The following NBEA variants were observed in gnomAD, a reference collection of about 807,000 sequenced individuals.
The protein encoded by NBEA is neurobeachin.
NBEA carries 44 observed loss-of-function variants against 343.4 expected under a neutral mutation model. That is an observed-to-expected ratio of 0.13 (90% CI 0.10 to 0.16). The LOEUF (loss-of-function observed/expected upper bound fraction) is 0.16. Ranked by LOEUF, NBEA falls within the 10% of genes least tolerant of loss-of-function variation. NBEA has a pLI of 1.00. For synonymous variants in NBEA, 1,175 were observed against 1,238.7 expected (o/e 0.95, Z 1.08); for missense variants, 2,555 against 3,631.3 (o/e 0.70, Z 7.62).
chr13:35,472,057 A>G lies in NBEA; in HGVS notation c.6449-343A>G, dbSNP rs573581160. ...ACTGCCTAGGGTCTCTGGAAAAGCC[A>G]GTGATACTCAATGGAGAATTGGGGC... On this transcript the variant is annotated intron_variant, in intron 40 of 58. Transcript: ENST00000379939. Among the ~76,000 whole-genome samples, 9 of 152,256 alleles carry G rather than the reference A, an allele frequency of 5.9e-5. No homozygotes were observed. In the South Asian group the frequency reaches 1.9e-3, roughly 32 times the overall value.
chr13:35,614,821 T>G (rs1406672784), intron 48 of NBEA, among the ~76,000 whole-genome samples: 1 of 152,196 alleles, frequency 6.6e-6, no homozygotes, highest in Non-Finnish European at 1.5e-5. Context: ...AAGACTTAAC[T>G]GCTGACAACT....
intron 1 of NBEA, among the ~76,000 whole-genome samples, chr13:34,983,351 A>G (rs1386730318): frequency 6.6e-6 from 1 of 152,028 alleles, no homozygotes; most frequent in Non-Finnish European, 1.5e-5. Context: ...AAGGACATGA[A>G]CTCATCCTTT....
chr13:35,559,522 C>T (rs184863633), intron 44 of NBEA, among the ~76,000 whole-genome samples: 1 of 152,104 alleles, frequency 6.6e-6, no homozygotes, highest in Admixed American at 6.5e-5. Flanking sequence ...ACATGGTTGG[C>T]TTATATTTTG....
rs139355099 is a variant in NBEA, at chr13:35,065,329, G to A, written c.1240-4579G>A. Among the ~76,000 whole-genome samples, 1,317 of 151,912 alleles carry A rather than the reference G, an allele frequency of 8.7e-3. 20 individuals are homozygous for A. Among genetic ancestry groups the A allele is most frequent in the African/African-American group, 0.03 (1,243 of 41,470 alleles). ...TTGGTATTGAAAGCCTGTTGACAATGTAGTATCTTCTCCATTACAAGGCAC... is the reference window on the plus strand; with the variant it reads ...TTGGTATTGAAAGCCTGTTGACAATATAGTATCTTCTCCATTACAAGGCAC... On this transcript the variant is annotated intron_variant, in intron 8 of 58. Transcript: ENST00000379939.
At chr13:35,221,777 C>T (rs1018965824) in intron 33 of NBEA, among the ~76,000 whole-genome samples, 1 of 152,006 alleles carries the variant, frequency 6.6e-6, no homozygotes, top group African/African-American at 2.4e-5. Context: ...CCTATAGAAC[C>T]TTACATCATA....
intron 1 of NBEA, among the ~76,000 whole-genome samples, chr13:35,037,547 A>G (rs1454165210): frequency 6.6e-6 from 1 of 152,052 alleles, no homozygotes; most frequent in Non-Finnish European, 1.5e-5. Context: ...CCTTCTTGGG[A>G]AGGCTTTCCA....
At chr13:35,122,209 C>T (rs1315090558) in intron 16 of NBEA, among the ~76,000 whole-genome samples, 1 of 151,978 alleles carries the variant, frequency 6.6e-6, no homozygotes, top group Non-Finnish European at 1.5e-5. Context: ...GAACAATATA[C>T]TTGTTAAAAA....
intron 41 of NBEA, among the ~76,000 whole-genome samples, chr13:35,494,389 C>A (rs937938913): frequency 6.6e-6 from 1 of 151,922 alleles, no homozygotes; most frequent in African/African-American, 2.4e-5. Flanking sequence ...CAAATAAGAT[C>A]TAAATTTTTG....
intron 1 of NBEA, 147 bp downstream of exon 1, chr13:34,943,261 G>GT (rs2059086985): frequency 9.2e-7 from 1 of 1,084,192 alleles, no homozygotes; most frequent in Non-Finnish European, 1.3e-6. Flanking sequence ...TGCCCAGCGG[G>GT]TGACCTGCCT....
rs529905884 is a variant in NBEA, at chr13:35,407,852, A to C, written c.6180-24417A>C. Among the ~76,000 whole-genome samples the C allele has an allele frequency of 2.0e-5, 3 of 152,318 alleles. No individual in the cohort carries two copies. The East Asian group carries it at 5.8e-4, about 29-fold the overall frequency. The stretch of plus-strand genomic sequence containing the variant: ...GAGACCTACAAACCACTGCTCAAAG[A>C]AATGAGAAATGACACAAATAATTGG... On this transcript the variant is annotated intron_variant, in intron 38 of 58. Coordinates refer to ENST00000379939, the MANE Select transcript of NBEA (RefSeq NM_001385012.1).
intron 17 of NBEA, among the ~76,000 whole-genome samples, chr13:35,134,704 A>C (rs2067624697): frequency 6.6e-6 from 1 of 152,004 alleles, no homozygotes; most frequent in African/African-American, 2.4e-5. Context: ...CAATAAAGTA[A>C]AGTAGGAAGT....
chr13:35,593,353 A>G lies in NBEA; in HGVS notation c.7202A>G (p.Asn2401Ser), dbSNP rs760872116. 5.6e-6 allele frequency: 9 copies of G among 1,612,586 alleles called. No individual in the cohort carries two copies. The highest frequency in any genetic ancestry group is 4.0e-5 in the African/African-American group (3 of 74,836). Residue 2401 changes from asparagine (N) to serine (S), a missense_variant, in exon 47 of 59, where the codon AAT becomes AGT. Asn to Ser is a conservative substitution (Grantham distance 46). Coordinates refer to ENST00000379939, the MANE Select transcript of NBEA (RefSeq NM_001385012.1). Reference protein sequence around the residue: ...RIEPFTTFFLNANDGKFDHPD... With the variant: ...RIEPFTTFFLSANDGKFDHPD... ...GAACCTTTCACAACCTTCTTCCTCAATGCAAATGATGGAAAATTTGATCAT... is the reference window on the plus strand; with the variant it reads ...GAACCTTTCACAACCTTCTTCCTCAGTGCAAATGATGGAAAATTTGATCAT...
intron 35 of NBEA, among the ~76,000 whole-genome samples, chr13:35,298,590 C>T (rs73491830): frequency 0.024 from 3,585 of 151,882 alleles, 99 homozygotes; most frequent in African/African-American, 0.064. Context: ...AGAATATGCT[C>T]TCTTTAAAAA....
chr13:35,045,106 A>G (rs2062801183), intron 3 of NBEA, 59 bp downstream of exon 3: 5 of 1,455,772 alleles, frequency 3.4e-6, no homozygotes, highest in Non-Finnish European at 3.8e-6. Context: ...TTAATGTTCA[A>G]AAGTTTGTCT....
chr13:35,262,782 T>G (rs898380584), intron 34 of NBEA, among the ~76,000 whole-genome samples: 11 of 152,120 alleles, frequency 7.2e-5, no homozygotes, highest in African/African-American at 2.4e-4. Flanking sequence ...ACACAAATAC[T>G]GATAAAAGAC....
intron 33 of NBEA, among the ~76,000 whole-genome samples, chr13:35,225,378 A>G (rs1402969217): frequency 6.6e-6 from 1 of 152,132 alleles, no homozygotes; most frequent in Non-Finnish European, 1.5e-5. Flanking sequence ...ACTGTGCCCC[A>G]AAAGTGACAG....
At chr13:35,652,456 C>T (rs751779340) in intron 53 of NBEA, among the ~76,000 whole-genome samples, 1 of 151,050 alleles carries the variant, frequency 6.6e-6, no homozygotes, top group Non-Finnish European at 1.5e-5. Context: ...CTGGCTAACA[C>T]GGTGAAACCC....
intron 10 of NBEA, among the ~76,000 whole-genome samples, chr13:35,096,225 G>A (rs1042018567): frequency 8.0e-5 from 12 of 150,772 alleles, no homozygotes; most frequent in Non-Finnish European, 1.2e-4. Flanking sequence ...CAAAGATGTG[G>A]TATTGCTATT....
chr13:35,293,937 T>TTAGTATTTAAA (rs138395084), intron 35 of NBEA, among the ~76,000 whole-genome samples: 6,550 of 152,070 alleles, frequency 0.043, 272 homozygotes, highest in East Asian at 0.15. Flanking sequence ...TAAAAAATTC[T>TTAGTATTTAAA]TAGTATTTAA....
Sources: gnomAD v4.1 joint callset for allele counts (sites outside exome capture counted in the v4.1 genomes callset) on GRCh38, gnomAD v4.1.1 for gene constraint, MANE v1.5 for transcripts, NCBI Gene and HGNC (gene_info 2026-07-23, HGNC 2026-07-21) for gene names.